GRAMD4: variants seen among roughly 807,000 people sequenced by gnomAD.
The protein encoded by GRAMD4 is GRAM domain containing 4.
GRAMD4 carries 25 observed loss-of-function variants against 83.9 expected under a neutral mutation model. That is an observed-to-expected ratio of 0.30 (90% CI 0.22 to 0.42). The LOEUF is 0.42. GRAMD4 is among the 10% of genes least tolerant of loss of function. The pLI is 1.00. For missense variants in GRAMD4, 593 were observed against 788.7 expected, an observed-to-expected ratio of 0.75 and a Z score of 2.97; for synonymous variants, 336 against 320.9, an observed-to-expected ratio of 1.05 and a Z score of -0.50.
chr22:46,623,842 C>T (rs559595684), intron 1 of GRAMD4, among the ~76,000 whole-genome samples: 9 of 142,670 alleles, frequency 6.3e-5, no homozygotes, highest in South Asian at 2.3e-4. Context: ...AGTGCAGTGG[C>T]GTGATCTCGG....
At chr22:46,619,838 G>T (rs990114135), upstream of GRAMD4, among the ~76,000 whole-genome samples, 2 of 152,198 alleles carry the variant, frequency 1.3e-5, no homozygotes, top group Non-Finnish European at 2.9e-5. Flanking sequence ...GCCCACTGCA[G>T]TGGGGGTGGG....
chr22:46,604,529 G>A (rs1286881059), intron 1 of GRAMD4, among the ~76,000 whole-genome samples: 3 of 152,164 alleles, frequency 2.0e-5, no homozygotes, highest in East Asian at 3.9e-4. Flanking sequence ...CCGAAACTCC[G>A]CACCCACAAA....
chr22:46,655,349 G>A lies in GRAMD4; in HGVS notation c.284-2838G>A, dbSNP rs921008837. ...GCCAGCCCGGTGAGGAGTTCTAAGCGGGAAAGCAACAAGTTCTGGCTTGTG... is the reference window on the plus strand; with the variant it reads ...GCCAGCCCGGTGAGGAGTTCTAAGCAGGAAAGCAACAAGTTCTGGCTTGTG... On this transcript the variant is annotated intron_variant, in intron 3 of 18. Coordinates refer to ENST00000406902, the MANE Select transcript of GRAMD4 (RefSeq NM_015124.5). Among the ~76,000 whole-genome samples, 4 of 152,134 alleles carry A rather than the reference G, an allele frequency of 2.6e-5. No individual in the cohort carries two copies. The South Asian group carries it at 6.2e-4, about 24-fold the overall frequency.
chr22:46,673,778 A>G lies in GRAMD4; in HGVS notation c.1348A>G (p.Ile450Val), dbSNP rs1264829623. ...HSTKKGNFHE[I>V]FNLTENERPL... ...CACCAAGAAGGGCAATTTCCACGAG[A>G]TCTTCAATCTGACAGAAAACGAGCG... The change falls in exon 15 of 19, where the codon ATC (isoleucine) becomes GTC (valine). Residue 450 changes from isoleucine (I) to valine (V), a missense_variant. By Grantham distance (29) the Ile-to-Val change is conservative. Transcript: ENST00000406902. The G allele has an allele frequency of 6.2e-7, 1 of 1,612,958 alleles. No individual in the cohort carries two copies. The highest frequency in any genetic ancestry group is 1.3e-5 in the African/African-American group (1 of 74,918).
chr22:46,658,655 G>A (rs1267683181), intron 4 of GRAMD4, among the ~76,000 whole-genome samples: 2 of 152,054 alleles, frequency 1.3e-5, no homozygotes, highest in Non-Finnish European at 2.9e-5. Context: ...CTCTGATCCC[G>A]GCCTGCTGGT....
chr22:46,606,475 A>G (rs375584948), intron 1 of GRAMD4, among the ~76,000 whole-genome samples: 3 of 8,098 alleles, frequency 3.7e-4, no homozygotes, highest in Admixed American at 1.9e-3. Context: ...TTTATTGACC[A>G]GTGCTGAGCA....
At chr22:46,660,752 A>G (rs2082314799) in intron 4 of GRAMD4, among the ~76,000 whole-genome samples, 1 of 151,934 alleles carries the variant, frequency 6.6e-6, no homozygotes, top group South Asian at 2.1e-4. Flanking sequence ...TTCTCTTCTC[A>G]GGGTTTACTC....
chr22:46,651,283 C>T (rs1346690493), intron 3 of GRAMD4, among the ~76,000 whole-genome samples: 1 of 152,214 alleles, frequency 6.6e-6, no homozygotes, highest in Non-Finnish European at 1.5e-5. Flanking sequence ...CATTTGGTGG[C>T]TGCTGTGACC....
At chr22:46,635,923 G>A (rs1310962501) in intron 2 of GRAMD4, among the ~76,000 whole-genome samples, 1 of 152,164 alleles carries the variant, frequency 6.6e-6, no homozygotes, top group Non-Finnish European at 1.5e-5. Flanking sequence ...CAGTGCAGGG[G>A]TCCAGCTGCA....
At chr22:46,625,458 C>T (rs1316148263) in intron 1 of GRAMD4, among the ~76,000 whole-genome samples, 4 of 152,262 alleles carry the variant, frequency 2.6e-5, no homozygotes, top group South Asian at 2.1e-4. Flanking sequence ...GGAAATACCC[C>T]CGCCAGGGAT....
intron 3 of GRAMD4, among the ~76,000 whole-genome samples, chr22:46,653,864 G>A (rs2082203202): frequency 6.6e-6 from 1 of 152,174 alleles, no homozygotes; most frequent in Admixed American, 6.5e-5. Context: ...CCTGCCGGGA[G>A]CAAGCCTGCC....
rs1279684017 is a variant in GRAMD4 at position 46,678,006 on chromosome 22, GC to G, written c.*757del. On this transcript the variant is annotated 3_prime_UTR_variant, in exon 19 of 19. Transcript: ENST00000406902. ...CTGCTGCTCTCGGCCTGACACGCCGGCCAGGAGGTCTGTAGCTGGGGACCAG... is the reference window on the plus strand; with the variant it reads ...CTGCTGCTCTCGGCCTGACACGCCGGCAGGAGGTCTGTAGCTGGGGACCAG... 2.0e-6 allele frequency: 2 copies of G among 985,734 alleles called. No homozygotes were observed. Among genetic ancestry groups the G allele is most frequent in the Non-Finnish European group, 2.4e-6 (2 of 830,130 alleles). 61.1% of individuals were successfully genotyped at this position (985,734 alleles called of 1,614,324 possible). A position where few individuals can be genotyped will look rare whatever the true frequency, so the allele number is the denominator to read the frequency against.
chr22:46,655,584 A>G (rs1365453698), intron 3 of GRAMD4, among the ~76,000 whole-genome samples: 1 of 152,140 alleles, frequency 6.6e-6, no homozygotes, highest in Admixed American at 6.5e-5. Flanking sequence ...CCTCTGCTGT[A>G]AAGGAGCCAG....
chr22:46,660,183 C>T (rs9615398), intron 4 of GRAMD4, among the ~76,000 whole-genome samples: 13,645 of 152,266 alleles, frequency 0.09, 804 homozygotes, highest in South Asian at 0.16. Flanking sequence ...CAGGGAGCCC[C>T]ATCTCGCACA....
chr22:46,582,928 C>G (rs2081112276), intron 1 of GRAMD4, among the ~76,000 whole-genome samples: 1 of 152,196 alleles, frequency 6.6e-6, no homozygotes, highest in South Asian at 2.1e-4. Flanking sequence ...ACCTTTCTCT[C>G]TCTTTTGTCT....
Position 46,626,944 on chromosome 22 carries a change from G to A in GRAMD4, c.145G>A (p.Glu49Lys), listed in dbSNP as rs1359228101. 1.2e-5 allele frequency: 19 copies of A among 1,613,296 alleles called. No homozygotes were observed. Among genetic ancestry groups the A allele is most frequent in the Admixed American group, 6.7e-5 (4 of 60,000 alleles). The change falls in exon 2 of 19, where the codon GAG becomes AAG. Residue 49 changes from glutamate (E) to lysine (K), a missense_variant. Coordinates refer to ENST00000406902, the MANE Select transcript of GRAMD4 (RefSeq NM_015124.5). ...ACCGCGGACCTCGCCCCGGGACAGCGAGGAGCTGAGGGACCCTGTGAGTAC... is the reference window on the plus strand; with the variant it reads ...ACCGCGGACCTCGCCCCGGGACAGCAAGGAGCTGAGGGACCCTGTGAGTAC... ...KVPRTSPRDSEELRDPAGPGT... is the reference protein window; with the variant it reads ...KVPRTSPRDSKELRDPAGPGT...
At position 46,678,399 on chromosome 22, in the gene GRAMD4, C is replaced by G. The variant is rs916449770; in HGVS notation, c.*1148C>G. ...GTGCCGGTCCGGGCACAGACCCCCC[C>G]AGCCCCCGCCCTGCCCCAGGGAAGC... On this transcript the variant is annotated 3_prime_UTR_variant, in exon 19 of 19. Coordinates refer to ENST00000406902, the MANE Select transcript of GRAMD4 (RefSeq NM_015124.5). 2 of 984,476 alleles carry G rather than the reference C, an allele frequency of 2.0e-6. No individual in the cohort carries two copies. Among genetic ancestry groups the G allele is most frequent in the Admixed American group, 6.1e-5 (1 of 16,272 alleles). The allele number at this position is 984,476 out of a possible 1,614,324, so 61.0% of individuals were successfully genotyped here.
rs5769068 is a variant in GRAMD4, at chr22:46,677,824, C to T, written c.*573C>T. 0.26 allele frequency: 260,412 copies of T among 985,428 alleles called. 36,129 individuals are homozygous for T. The highest frequency in any genetic ancestry group is 0.37 in the East Asian group (3,229 of 8,772). The allele number at this position is 985,428 out of a possible 1,614,324, so 61.0% of individuals were successfully genotyped here. A position where few individuals can be genotyped will look rare whatever the true frequency, so the allele number is the denominator to read the frequency against. On this transcript the variant is annotated 3_prime_UTR_variant, in exon 19 of 19. Transcript: ENST00000406902. ...TGTGGCATTTGCCCTTGGTGCCGGG[C>T]TGGGGCCGGGCGCAGTGACCCTGCC...
intron 3 of GRAMD4, among the ~76,000 whole-genome samples, chr22:46,657,365 C>T (rs769425189): frequency 9.9e-5 from 15 of 152,242 alleles, no homozygotes; most frequent in Non-Finnish European, 1.5e-4. Flanking sequence ...TTAGGTGACC[C>T]AGCGGTGTTG....
Sources: allele counts gnomAD v4.1 joint callset (sites outside exome capture counted in the v4.1 genomes callset), GRCh38; gene constraint gnomAD v4.1.1; transcripts MANE v1.5; gene names NCBI Gene and HGNC (gene_info 2026-07-23, HGNC 2026-07-21).